The following CA13 variants were observed in gnomAD, a reference collection of about 807,000 sequenced individuals.
The protein encoded by CA13 is carbonic anhydrase 13.
Under a neutral mutation model 31.5 loss-of-function variants are expected in CA13, and 21 were observed. The ratio of observed to expected loss-of-function variants is 0.67; its 90% confidence interval spans 0.47 to 0.96. The LOEUF is 0.96. Among genes scored for constraint, CA13 ranks in the 40% least tolerant of loss-of-function variants. CA13 has a pLI of 0.00. For synonymous variants in CA13, 117 were observed against 111.4 expected, an observed-to-expected ratio of 1.05 and a Z score of -0.32; for missense variants, 315 against 318.9, an observed-to-expected ratio of 0.99 and a Z score of 0.09.
chr8:85,247,810 A>ATCTGCCTG (rs904005417), intron 1 of CA13, among the ~76,000 whole-genome samples: 5 of 151,934 alleles, frequency 3.3e-5, no homozygotes, highest in Non-Finnish European at 5.9e-5. Flanking sequence ...ACCTCAAGTG[A>ATCTGCCTG]TCTGCCTGCC....
At chr8:85,276,175 G>C (rs1042207046) in intron 6 of CA13, among the ~76,000 whole-genome samples, 8 of 152,292 alleles carry the variant, frequency 5.3e-5, no homozygotes, top group East Asian at 1.9e-4. Context: ...CCGGCCCCGC[G>C]GACCCCGGGC....
chr8:85,267,099 A>T, intron 4 of CA13: 3 of 299,902 alleles, frequency 1.0e-5, no homozygotes, highest in Non-Finnish European at 1.5e-5. Context: ...ACTGGTTTTT[A>T]AAAAAATTTT....
At chr8:85,251,067 T>C in intron 2 of CA13, 130 bp downstream of exon 2, 1 of 776,166 alleles carries the variant, frequency 1.3e-6, no homozygotes, top group Non-Finnish European at 2.1e-6. Context: ...AGTGGCGCGA[T>C]CTTGGCTTAT....
At chr8:85,255,076 G>A (rs1032546483) in intron 2 of CA13, among the ~76,000 whole-genome samples, 8 of 151,812 alleles carry the variant, frequency 5.3e-5, no homozygotes, top group African/African-American at 7.3e-5. Flanking sequence ...GGAGGTGGAT[G>A]TGAAATTTTT....
chr8:85,280,535 T>C (rs1430097589), intron 6 of CA13, among the ~76,000 whole-genome samples: 2 of 152,208 alleles, frequency 1.3e-5, no homozygotes, highest in Non-Finnish European at 2.9e-5. Flanking sequence ...ATTTAGAGAA[T>C]GTAGGTTCTC....
intron 1 of CA13, among the ~76,000 whole-genome samples, chr8:85,248,543 T>C (rs1813769898): frequency 1.3e-5 from 2 of 151,698 alleles, no homozygotes; most frequent in South Asian, 4.2e-4. Context: ...GAGGATTGCC[T>C]GAGGCCAGGA....
chr8:85,254,148 C>G (rs1807244057), intron 2 of CA13, among the ~76,000 whole-genome samples: 1 of 151,718 alleles, frequency 6.6e-6, no homozygotes, highest in African/African-American at 2.4e-5. Context: ...AGTGGTGACA[C>G]ACACCTGTAA....
chr8:85,261,989 G>A (rs1032106840), intron 3 of CA13, among the ~76,000 whole-genome samples: 3 of 20,248 alleles, frequency 1.5e-4, no homozygotes, highest in African/African-American at 5.8e-4. Context: ...GGGACCACAG[G>A]TGGGCACCAC....
At chr8:85,254,730 G>A (rs887872524) in intron 2 of CA13, among the ~76,000 whole-genome samples, 5 of 144,042 alleles carry the variant, frequency 3.5e-5, no homozygotes, top group Admixed American at 3.4e-4. Flanking sequence ...TGATTTGGGA[G>A]ATTAAATCAA....
intron 6 of CA13, 66 bp from the exon 7 acceptor site, chr8:85,281,164 G>A (rs1807698362): frequency 1.3e-6 from 2 of 1,562,240 alleles, no homozygotes; most frequent in Admixed American, 1.7e-5. Context: ...TCTTCTTTAT[G>A]CAGGGTAATT....
At position 85,282,889 on chromosome 8, in the gene CA13, T is replaced by C. The variant is rs1234572554; in HGVS notation, c.*1540T>C. The C allele has an allele frequency of 6.6e-6, 1 of 151,764 alleles. No individual in the cohort carries two copies. Among genetic ancestry groups the C allele is most frequent in the Non-Finnish European group, 1.5e-5 (1 of 67,970 alleles). The allele number at this position is 151,764 out of a possible 1,614,324, so 9.4% of individuals were successfully genotyped here. A position where few individuals can be genotyped will look rare whatever the true frequency, so the allele number is the denominator to read the frequency against. On this transcript the variant is annotated 3_prime_UTR_variant, in exon 7 of 7. Coordinates refer to ENST00000321764, the MANE Select transcript of CA13 (RefSeq NM_198584.3). ...AGTTTCCTTGATTTGGAAGATTTGTTTCTTTTATCTCTCTTCCTCTGGATG... is the reference window on the plus strand; with the variant it reads ...AGTTTCCTTGATTTGGAAGATTTGTCTCTTTTATCTCTCTTCCTCTGGATG...
chr8:85,273,372 G>A (rs1807553371), intron 6 of CA13, among the ~76,000 whole-genome samples: 2 of 152,040 alleles, frequency 1.3e-5, no homozygotes, highest in Non-Finnish European at 2.9e-5. Flanking sequence ...CAAATCATCT[G>A]TACATTTTTA....
chr8:85,259,580 A>C, intron 3 of CA13, 41 bp downstream of exon 3: 1 of 1,542,306 alleles, frequency 6.5e-7, no homozygotes, highest in Non-Finnish European at 9.0e-7. Flanking sequence ...GTTTTCCCAC[A>C]TGGTGGAATT....
chr8:85,268,703 C>A, intron 6 of CA13, 76 bp downstream of exon 6: 1 of 1,232,320 alleles, frequency 8.1e-7, no homozygotes, highest in Non-Finnish European at 1.1e-6. Flanking sequence ...TTCAACCCTG[C>A]CCTTAATTTC....
rs186561499 is a variant in CA13, at chr8:85,283,124, A to C, written c.*1775A>C. 1 of 152,014 alleles carries C rather than the reference A, an allele frequency of 6.6e-6. No individual in the cohort carries two copies. The allele number at this position is 152,014 out of a possible 1,614,324, so 9.4% of individuals were successfully genotyped here. ...ATTTTTAGTAGAGATGGGTTTTGCA[A>C]TGTTGGCCAGGCTGGTCTCAAACTC... On this transcript the variant is annotated 3_prime_UTR_variant, in exon 7 of 7. Coordinates refer to ENST00000321764, the MANE Select transcript of CA13 (RefSeq NM_198584.3).
chr8:85,263,241 G>T (rs1452483426), intron 3 of CA13, among the ~76,000 whole-genome samples: 3 of 152,206 alleles, frequency 2.0e-5, no homozygotes, highest in Non-Finnish European at 4.4e-5. Context: ...GTCCTGATGA[G>T]GCAGGCAGGG....
At chr8:85,270,334 C>T (rs1263895035) in intron 6 of CA13, among the ~76,000 whole-genome samples, 1 of 152,168 alleles carries the variant, frequency 6.6e-6, no homozygotes, top group Non-Finnish European at 1.5e-5. Flanking sequence ...GCATTGAACA[C>T]ATCCTTCCTT....
chr8:85,251,751 C>T (rs1440699719), intron 2 of CA13, among the ~76,000 whole-genome samples: 1 of 152,172 alleles, frequency 6.6e-6, no homozygotes, highest in Non-Finnish European at 1.5e-5. Context: ...ATATTAATGT[C>T]TCTTTCTTCC....
At chr8:85,279,984 AC>A (rs1214983891) in intron 6 of CA13, among the ~76,000 whole-genome samples, 1 of 152,034 alleles carries the variant, frequency 6.6e-6, no homozygotes, top group Admixed American at 6.6e-5. Flanking sequence ...TAAAAAAAAA[AC>A]AAAAACCTCA....
Sources: gnomAD v4.1 joint callset for allele counts (sites outside exome capture counted in the v4.1 genomes callset) on GRCh38, gnomAD v4.1.1 for gene constraint, MANE v1.5 for transcripts, NCBI Gene and HGNC (gene_info 2026-07-23, HGNC 2026-07-21) for gene names.